SEMA4B: variants seen among roughly 807,000 people sequenced by gnomAD.
SEMA4B encodes the protein semaphorin-4B.
In SEMA4B, 55 loss-of-function variants were observed where a neutral mutation model predicts 88.1. The ratio of observed to expected loss-of-function variants is 0.62; its 90% CI spans 0.50 to 0.78. The LOEUF is 0.78. Ranked by LOEUF, SEMA4B falls within the 30% of genes least tolerant of loss-of-function variation. The pLI is 0.00. For missense variants in SEMA4B, 1,062 were observed against 1,111.9 expected, an observed-to-expected ratio of 0.96 and a Z score of 0.64; for synonymous variants, 525 against 473.6, an observed-to-expected ratio of 1.11 and a Z score of -1.41.
chr15:90,217,871 G>A, intron 3 of SEMA4B, 42 bp downstream of exon 3: 1 of 1,552,934 alleles, frequency 6.4e-7, no homozygotes. Flanking sequence ...CAGGAGGGAT[G>A]GAGGGTGGTG....
chr15:90,207,488 C>G (rs1226019309), intron 1 of SEMA4B, among the ~76,000 whole-genome samples: 4 of 152,206 alleles, frequency 2.6e-5, no homozygotes, highest in African/African-American at 9.6e-5. Context: ...GTGCCAGGCA[C>G]TGCTGTTGGA....
Position 90,201,590 on chromosome 15 carries a change from C to G in SEMA4B, c.12C>G (p.Thr4=), listed in dbSNP as rs766690943. The change falls in exon 1 of 14, where the codon ACC becomes ACG. Residue 4 remains threonine, a synonymous_variant. Coordinates refer to ENST00000411539, the MANE Select transcript of SEMA4B (RefSeq NM_198925.4). MLR[T]AMGLRSWLAA... is the part of the protein sequence containing the mutation. ...CTCCTGCTCTCCGAATGCTGCGCAC[C>G]GCGATGGGCCTGAGGAGCTGGCTCG... 20 of 1,502,764 alleles carry G rather than the reference C, an allele frequency of 1.3e-5. No homozygotes were observed. In the African/African-American group the frequency reaches 1.7e-4, roughly 13 times the overall value. The allele number at this position is 1,502,764 out of a possible 1,614,324, so 93.1% of individuals were successfully genotyped here.
chr15:90,207,043 A>G (rs1961026835), intron 1 of SEMA4B: 1 of 359,322 alleles, frequency 2.8e-6, no homozygotes, highest in East Asian at 7.0e-5. Flanking sequence ...TTAGCTCACC[A>G]TCGACCCTCT....
upstream of SEMA4B, among the ~76,000 whole-genome samples, chr15:90,200,852 G>T (rs897323238): frequency 1.3e-5 from 2 of 152,216 alleles, no homozygotes; most frequent in African/African-American, 4.8e-5. Context: ...GCAGTGGATT[G>T]ACCTGTGCAA....
chr15:90,199,504 C>T (rs113405045), upstream of SEMA4B, among the ~76,000 whole-genome samples: 3 of 151,922 alleles, frequency 2.0e-5, no homozygotes, highest in African/African-American at 4.8e-5. Flanking sequence ...ATGTTGGGCT[C>T]GAGATGGTTT....
chr15:90,192,535 A>T (rs1305372307), intron 1 of SEMA4B, among the ~76,000 whole-genome samples: 1 of 145,014 alleles, frequency 6.9e-6, no homozygotes, highest in Non-Finnish European at 1.5e-5. Flanking sequence ...ATGTGTGTTC[A>T]TTTGCTTTTT....
intron 6 of SEMA4B, 21 bp from the exon 7 acceptor site, chr15:90,221,593 C>T (rs1567058755): frequency 1.2e-6 from 2 of 1,613,598 alleles, no homozygotes; most frequent in Non-Finnish European, 1.7e-6. Context: ...TGACTCTGAG[C>T]TCCTGACCTG....
rs1345272745 is a variant in SEMA4B at position 90,188,959 on chromosome 15, G to A, written c.-122+3878G>A. 5.9e-5 allele frequency among the ~76,000 whole-genome samples: 9 copies of A among 152,234 alleles called. No homozygotes were observed. The East Asian group carries it at 1.2e-3, about 20-fold the overall frequency. The stretch of plus-strand genomic sequence containing the variant: ...GCTGGGATTATAGGCATGAGCCACC[G>A]CGCCCAGCCAGGATGAATATTCTCT... On this transcript the variant is annotated intron_variant, in intron 1 of 14. Coordinates refer to the SEMA4B transcript ENST00000332496.
At chr15:90,211,545 C>T (rs1961268100) in intron 1 of SEMA4B, among the ~76,000 whole-genome samples, 1 of 152,194 alleles carries the variant, frequency 6.6e-6, no homozygotes, top group South Asian at 2.1e-4. Context: ...AGTGGCTGCC[C>T]TGCCCAACAC....
At position 90,219,789 on chromosome 15, in the gene SEMA4B, C is replaced by A. The variant is rs569222645; in HGVS notation, c.385-4C>A. 8.1e-6 allele frequency: 13 copies of A among 1,611,838 alleles called. No individual in the cohort carries two copies. The highest frequency in any genetic ancestry group is 1.7e-5 in the Admixed American group (1 of 59,766). ...ACTGATATCCCCTCGCTCCTTCCCC[C>A]CAGCGCGACTGTCAAAACTACATCA... On this transcript the variant is annotated splice_polypyrimidine_tract_variant and splice_region_variant and intron_variant, in intron 3 of 13. Transcript: ENST00000411539.
At chr15:90,187,437 G>A (rs938512577) in intron 1 of SEMA4B, among the ~76,000 whole-genome samples, 14 of 152,322 alleles carry the variant, frequency 9.2e-5, no homozygotes, top group African/African-American at 3.4e-4. Flanking sequence ...GGCTGGAGAT[G>A]AAAAAGCTGA....
intron 5 of SEMA4B, 103 bp downstream of exon 5, chr15:90,221,196 C>A: frequency 8.9e-7 from 1 of 1,121,286 alleles, no homozygotes; most frequent in Non-Finnish European, 1.3e-6. Context: ...TGCTTATTTC[C>A]AAGGGGACAG....
Position 90,217,558 on chromosome 15 carries a change from C to G in SEMA4B, c.277C>G (p.Leu93Val). Residue 93 changes from leucine (L) to valine (V), a missense_variant, in exon 2 of 14, where the codon CTC (leucine) becomes GTC (valine). Transcript: ENST00000411539. Reference sequence around the variant, plus strand: ...GGGTGCTCGAGAGGCCCTCTTTGCACTCAGTAGCAACCTCAGCTTCCTGCC... The same window carrying G: ...GGGTGCTCGAGAGGCCCTCTTTGCAGTCAGTAGCAACCTCAGCTTCCTGCC... ...YVGAREALFALSSNLSFLPGG... is the reference protein window; with the variant it reads ...YVGAREALFAVSSNLSFLPGG... 1 of 1,614,000 alleles carries G rather than the reference C, an allele frequency of 6.2e-7. No individual in the cohort carries two copies. Among genetic ancestry groups the G allele is most frequent in the Non-Finnish European group, 8.5e-7 (1 of 1,179,896 alleles).
chr15:90,221,860 C>A, intron 7 of SEMA4B, 95 bp downstream of exon 7: 1 of 1,226,590 alleles, frequency 8.2e-7, no homozygotes, highest in Non-Finnish European at 1.1e-6. Flanking sequence ...CTTTCCCATC[C>A]CGCCAAGGAG....
chr15:90,226,178 AT>A (rs1962164402), intron 12 of SEMA4B, among the ~76,000 whole-genome samples: 1 of 152,164 alleles, frequency 6.6e-6, no homozygotes, highest in African/African-American at 2.4e-5. Flanking sequence ...AGAATAACCT[AT>A]TTGGATTATA....
upstream of SEMA4B, among the ~76,000 whole-genome samples, chr15:90,196,776 T>C (rs1960523379): frequency 1.3e-5 from 2 of 152,238 alleles, no homozygotes; most frequent in Admixed American, 1.3e-4. Flanking sequence ...CGTGAGCCAC[T>C]GCACCCGGCC....
chr15:90,214,790 G>A (rs182298226), intron 1 of SEMA4B: 113 of 266,208 alleles, frequency 4.2e-4, no homozygotes, highest in African/African-American at 2.4e-3. Flanking sequence ...CCAGCTGTGC[G>A]AAGACTCATT....
upstream of SEMA4B, among the ~76,000 whole-genome samples, chr15:90,200,135 T>C (rs1394977947): frequency 6.6e-6 from 1 of 152,208 alleles, no homozygotes; most frequent in Non-Finnish European, 1.5e-5. Flanking sequence ...CCTGGGACCA[T>C]GTGGGTGCTG....
chr15:90,226,741 T>C (rs1157497387), intron 12 of SEMA4B, among the ~76,000 whole-genome samples: 1 of 152,124 alleles, frequency 6.6e-6, no homozygotes, highest in East Asian at 1.9e-4. Context: ...AAAAACCAAG[T>C]GAGTTTTGGT....
Sources: allele counts gnomAD v4.1 joint callset (sites outside exome capture counted in the v4.1 genomes callset), GRCh38; gene constraint gnomAD v4.1.1; transcripts MANE v1.5; gene names NCBI Gene and HGNC (gene_info 2026-07-23, HGNC 2026-07-21).